Variants in TNN observed in about 807,000 individuals in gnomAD.
The protein encoded by TNN is tenascin-N.
TNN carries 122 observed loss-of-function variants against 134.4 expected under a neutral mutation model. The ratio of observed to expected loss-of-function variants is 0.91; its 90% CI spans 0.78 to 1.06. The LOEUF (loss-of-function observed/expected upper bound fraction) is 1.06, where lower values mean the gene tolerates loss of function less well. Ranked by LOEUF, TNN falls within the 50% of genes least tolerant of loss-of-function variation. TNN has a pLI of 0.00. For missense variants in TNN, 1,739 were observed against 1,699.4 expected (o/e 1.02, Z -0.41); for synonymous variants, 710 against 670.3 (o/e 1.06, Z -0.91).
chr1:175,098,926 G>C (rs1254131102), intron 9 of TNN, among the ~76,000 whole-genome samples: 1 of 152,164 alleles, frequency 6.6e-6, no homozygotes, highest in African/African-American at 2.4e-5. Context: ...GAGGGAGCCA[G>C]ACTTAGGGAT....
intron 15 of TNN, 84 bp downstream of exon 15, chr1:175,128,830 G>T: frequency 1.5e-6 from 2 of 1,367,186 alleles, no homozygotes; most frequent in Non-Finnish European, 1.9e-6. Flanking sequence ...TCCATAGAGT[G>T]TTTGGAGCCC....
At chr1:175,073,378 C>T (rs1673963523) in intron 1 of TNN, among the ~76,000 whole-genome samples, 1 of 152,194 alleles carries the variant, frequency 6.6e-6, no homozygotes, top group South Asian at 2.1e-4. Flanking sequence ...TTTTATCCTA[C>T]ACCTGCCTTC....
chr1:175,145,977 C>T (rs1676059403), intron 18 of TNN, among the ~76,000 whole-genome samples: 1 of 152,174 alleles, frequency 6.6e-6, no homozygotes, highest in South Asian at 2.1e-4. Context: ...TCCAGGAAGC[C>T]ACCTCTTCAG....
chr1:175,116,864 C>T (rs1454387916), intron 9 of TNN, 75 bp from the exon 10 acceptor site: 1 of 1,602,176 alleles, frequency 6.2e-7, no homozygotes, highest in Non-Finnish European at 8.5e-7. Flanking sequence ...ACTGCCTTAC[C>T]ACAAGTAAAA....
chr1:175,141,283 CTA>C (rs1465599874), intron 17 of TNN, among the ~76,000 whole-genome samples: 1 of 152,142 alleles, frequency 6.6e-6, no homozygotes, highest in Non-Finnish European at 1.5e-5. Flanking sequence ...ACATAAAGAG[CTA>C]GGCATTCAGA....
At chr1:175,116,439 G>GTA (rs1675168355) in intron 9 of TNN, among the ~76,000 whole-genome samples, 1 of 151,880 alleles carries the variant, frequency 6.6e-6, no homozygotes, top group Non-Finnish European at 1.5e-5. Flanking sequence ...TACAAATACA[G>GTA]AAGTAAAGCA....
Position 175,077,539 on chromosome 1 carries a change from A to G in TNN, c.121A>G (p.Thr41Ala). The G allele has an allele frequency of 1.2e-6, 2 of 1,614,126 alleles. No homozygotes were observed. The highest frequency in any genetic ancestry group is 8.5e-7 in the Non-Finnish European group (1 of 1,180,024). ...CTGCAGCAACAAGGAGCAACAGGTC[A>G]CTGTCAGCCACACCTACAAGATCGA... ...PGCSNKEQQV[T>A]VSHTYKIDVP... Residue 41 changes from threonine (T) to alanine (A), a missense_variant, in exon 2 of 19, where the codon ACT becomes GCT. By Grantham distance (58) the Thr-to-Ala change is moderately conservative. Transcript: ENST00000239462.
At chr1:175,101,166 G>A (rs1036334166) in intron 9 of TNN, among the ~76,000 whole-genome samples, 13 of 152,130 alleles carry the variant, frequency 8.5e-5, no homozygotes, top group African/African-American at 2.4e-4. Context: ...TTAAGGTGGC[G>A]CATCTGGAGT....
At chr1:175,131,989 G>A (rs980504055) in intron 15 of TNN, among the ~76,000 whole-genome samples, 2 of 151,038 alleles carry the variant, frequency 1.3e-5, no homozygotes, top group African/African-American at 4.9e-5. Context: ...CTTGGGCACT[G>A]GGTTCACTGA....
chr1:175,099,929 G>A lies in TNN; in HGVS notation c.2119+1334G>A, dbSNP rs373334792. 5.7e-4 allele frequency among the ~76,000 whole-genome samples: 86 copies of A among 152,116 alleles called. 2 individuals are homozygous for A. The South Asian group carries it at 0.018, about 31-fold the overall frequency. ...GGGTTCCCCCAGCGCCTCTCTGGTG[G>A]GGTTGCCTTGCCCCTCTAGGTGGTC... On this transcript the variant is annotated intron_variant, in intron 9 of 18. Coordinates refer to ENST00000239462, the MANE Select transcript of TNN (RefSeq NM_022093.2).
intron 9 of TNN, among the ~76,000 whole-genome samples, chr1:175,115,778 C>T (rs1675152292): frequency 6.6e-6 from 1 of 152,194 alleles, no homozygotes; most frequent in Non-Finnish European, 1.5e-5. Context: ...GCAGCTCCCT[C>T]AGCTGGGCTT....
chr1:175,127,763 G>C (rs1043065666), intron 13 of TNN, among the ~76,000 whole-genome samples: 1 of 152,222 alleles, frequency 6.6e-6, no homozygotes, highest in Non-Finnish European at 1.5e-5. Context: ...AAGTCTCCCA[G>C]AAACTTGGCC....
At chr1:175,078,533 A>C (rs559712832) in intron 2 of TNN, among the ~76,000 whole-genome samples, 1 of 152,210 alleles carries the variant, frequency 6.6e-6, no homozygotes, top group South Asian at 2.1e-4. Context: ...GCCTGAAGGA[A>C]TTGCTATGGT....
chr1:175,114,423 C>A (rs1675111997), intron 9 of TNN, among the ~76,000 whole-genome samples: 1 of 152,218 alleles, frequency 6.6e-6, no homozygotes, highest in African/African-American at 2.4e-5. Context: ...CTATTCTATT[C>A]TTATTTTCTC....
intron 17 of TNN, among the ~76,000 whole-genome samples, chr1:175,142,021 G>T (rs1241692864): frequency 6.6e-6 from 1 of 152,192 alleles, no homozygotes; most frequent in African/African-American, 2.4e-5. Flanking sequence ...GCAGCCCTGG[G>T]AACCTTCTAT....
At chr1:175,085,744 C>T (rs1674310298) in intron 6 of TNN, among the ~76,000 whole-genome samples, 1 of 152,072 alleles carries the variant, frequency 6.6e-6, no homozygotes, top group African/African-American at 2.4e-5. Flanking sequence ...CGTGGTGGCG[C>T]ATGCCTGTAA....
At position 175,145,944 on chromosome 1, in the gene TNN, A is replaced by G. The variant is rs567214860; in HGVS notation, c.3760-987A>G. Among the ~76,000 whole-genome samples, 8 of 152,182 alleles carry G rather than the reference A, an allele frequency of 5.3e-5. No homozygotes were observed. The South Asian group carries it at 1.7e-3, about 32-fold the overall frequency. ...CCCCATCCTAGGTTTCTAATTTCCC[A>G]TCTGCAGCCCTGATCCTAAGCCTCC... On this transcript the variant is annotated intron_variant, in intron 18 of 18. Coordinates refer to ENST00000239462, the MANE Select transcript of TNN (RefSeq NM_022093.2).
chr1:175,080,571 T>C, intron 4 of TNN, 145 bp downstream of exon 4: 3 of 1,012,180 alleles, frequency 3.0e-6, no homozygotes, highest in Non-Finnish European at 4.3e-6. Flanking sequence ...AGAGTCCCAG[T>C]TCTCTCTCTT....
intron 10 of TNN, 86 bp downstream of exon 10, chr1:175,117,291 C>CAG (rs1675210836): frequency 6.3e-7 from 1 of 1,586,316 alleles, no homozygotes; most frequent in South Asian, 1.1e-5. Flanking sequence ...CTGACATTGG[C>CAG]AGAAGTCAAT....
Sources: gnomAD v4.1 joint callset for allele counts (sites outside exome capture counted in the v4.1 genomes callset) on GRCh38, gnomAD v4.1.1 for gene constraint, MANE v1.5 for transcripts, NCBI Gene and HGNC (gene_info 2026-07-23, HGNC 2026-07-21) for gene names.